The following MMP16 variants were observed in gnomAD, a reference collection of about 807,000 sequenced individuals.
The protein encoded by MMP16 is matrix metallopeptidase 16, also known as matrix metalloproteinase-16.
Under a neutral mutation model 67.8 loss-of-function variants are expected in MMP16, and 12 were observed. That is an observed-to-expected ratio of 0.18 (90% CI 0.11 to 0.29). The LOEUF (loss-of-function observed/expected upper bound fraction) is 0.29. MMP16 is among the 10% of genes least tolerant of loss of function. The pLI is 1.00. For synonymous variants in MMP16, 249 were observed against 255.9 expected, an observed-to-expected ratio of 0.97 and a Z score of 0.26; for missense variants, 475 against 765.7, an observed-to-expected ratio of 0.62 and a Z score of 4.48.
chr8:88,142,884 T>G (rs144860021), intron 4 of MMP16, among the ~76,000 whole-genome samples: 1 of 152,196 alleles, frequency 6.6e-6, no homozygotes, highest in African/African-American at 2.4e-5. Context: ...AATTCTCGAT[T>G]GTTCTATTGT....
intron 1 of MMP16, among the ~76,000 whole-genome samples, chr8:88,201,029 G>A (rs561970103): frequency 1.3e-5 from 2 of 150,544 alleles, no homozygotes; most frequent in South Asian, 4.2e-4. Context: ...CATTTGCTTA[G>A]ATGAAACACA....
intron 4 of MMP16, among the ~76,000 whole-genome samples, chr8:88,136,781 T>C (rs781238315): frequency 2.0e-5 from 3 of 151,566 alleles, no homozygotes; most frequent in Non-Finnish European, 4.4e-5. Flanking sequence ...AATATTGGAG[T>C]TGTTCTGGTT....
intron 1 of MMP16, among the ~76,000 whole-genome samples, chr8:88,285,002 C>G (rs1810804544): frequency 6.6e-6 from 1 of 152,146 alleles, no homozygotes; most frequent in African/African-American, 2.4e-5. Context: ...TTAATATTCT[C>G]TCATAACTGG....
rs1807993094 is a variant in MMP16, at chr8:88,032,093, TA to T, written c.*9367del. ...GGTAAATACAGAAGATGCAATAGTA[TA>T]AAAAGCCATTTAACCCTTCCCTAGG... On this transcript the variant is annotated 3_prime_UTR_variant, in exon 10 of 10. Coordinates refer to ENST00000286614, the MANE Select transcript of MMP16 (RefSeq NM_005941.5). The T allele has an allele frequency of 6.6e-6, 1 of 152,182 alleles. No individual in the cohort carries two copies. The allele number at this position is 152,182 out of a possible 1,614,324, so 9.4% of individuals were successfully genotyped here. A position where few individuals can be genotyped will look rare whatever the true frequency, so the allele number is the denominator to read the frequency against.
intron 4 of MMP16, among the ~76,000 whole-genome samples, chr8:88,125,612 C>T (rs1252591483): frequency 6.6e-6 from 1 of 151,784 alleles, no homozygotes; most frequent in East Asian, 1.9e-4. Context: ...ACTTTTTATT[C>T]CTTTGGGCTA....
At chr8:88,072,975 G>T (rs968899926) in intron 7 of MMP16, among the ~76,000 whole-genome samples, 4 of 152,102 alleles carry the variant, frequency 2.6e-5, no homozygotes, top group African/African-American at 7.2e-5. Flanking sequence ...AAGTGAGAAG[G>T]CCCCGAGGCC....
rs907776764 is a variant in MMP16, at chr8:88,034,658, A to G, written c.*6803T>C. ...AGGATAACGCTCATATTACTACCAA[A>G]ATCATTCATTCAAGCAAAGTATATT... On this transcript the variant is annotated 3_prime_UTR_variant, in exon 10 of 10. Coordinates refer to ENST00000286614, the MANE Select transcript of MMP16 (RefSeq NM_005941.5). 2.6e-5 allele frequency: 4 copies of G among 152,016 alleles called. No individual in the cohort carries two copies. Among genetic ancestry groups the G allele is most frequent in the Non-Finnish European group, 4.4e-5 (3 of 67,952 alleles). 9.4% of individuals were successfully genotyped at this position (152,016 alleles called of 1,614,324 possible).
intron 1 of MMP16, among the ~76,000 whole-genome samples, chr8:88,204,294 G>A (rs931356390): frequency 6.6e-6 from 1 of 152,180 alleles, no homozygotes; most frequent in South Asian, 2.1e-4. Flanking sequence ...TTACAGAATT[G>A]AGGGATAGCA....
At chr8:88,094,716 C>A (rs1415560318) in intron 6 of MMP16, among the ~76,000 whole-genome samples, 1 of 151,640 alleles carries the variant, frequency 6.6e-6, no homozygotes, top group Non-Finnish European at 1.5e-5. Context: ...TTTCTCCAGC[C>A]AAAAATTCAA....
intron 4 of MMP16, among the ~76,000 whole-genome samples, chr8:88,161,696 T>A (rs935127121): frequency 6.6e-6 from 1 of 152,170 alleles, no homozygotes; most frequent in African/African-American, 2.4e-5. Flanking sequence ...TGTAGTGCTA[T>A]AAATTTCCGT....
intron 6 of MMP16, among the ~76,000 whole-genome samples, chr8:88,115,498 G>A (rs907589439): frequency 1.3e-5 from 2 of 151,680 alleles, no homozygotes; most frequent in Non-Finnish European, 2.9e-5. Context: ...ATATTATATC[G>A]AATCCAGATC....
At chr8:88,171,439 G>A (rs1320018229) in intron 3 of MMP16, among the ~76,000 whole-genome samples, 1 of 152,130 alleles carries the variant, frequency 6.6e-6, no homozygotes, top group Non-Finnish European at 1.5e-5. Flanking sequence ...TATGAAGGGT[G>A]GAGATAAAAA....
At chr8:88,112,013 C>CA (rs1160603242) in intron 6 of MMP16, among the ~76,000 whole-genome samples, 2 of 151,742 alleles carry the variant, frequency 1.3e-5, no homozygotes, top group Non-Finnish European at 2.9e-5. Context: ...TTTCCTGACT[C>CA]AGAGTCATGA....
At chr8:88,323,266 TG>T (rs1299063261) in intron 1 of MMP16, among the ~76,000 whole-genome samples, 1 of 152,202 alleles carries the variant, frequency 6.6e-6, no homozygotes, top group Non-Finnish European at 1.5e-5. Context: ...ATCTCTGAAA[TG>T]TCTCATGATT....
At position 88,078,457 on chromosome 8, in the gene MMP16, A is replaced by G. The variant is rs572210225; in HGVS notation, c.1084-3714T>C. On this transcript the variant is annotated intron_variant, in intron 6 of 9. Coordinates refer to ENST00000286614, the MANE Select transcript of MMP16 (RefSeq NM_005941.5). ...TTTAAAATTCTGGCTCGTGATAGGC[A>G]TATTTGTTTGCTGAGAACTATATGG... 5.3e-5 allele frequency among the ~76,000 whole-genome samples: 8 copies of G among 152,274 alleles called. No individual in the cohort carries two copies. The East Asian group carries it at 1.4e-3, about 26-fold the overall frequency.
At chr8:88,257,971 T>G (rs900062465) in intron 1 of MMP16, among the ~76,000 whole-genome samples, 2 of 152,002 alleles carry the variant, frequency 1.3e-5, no homozygotes, top group Non-Finnish European at 2.9e-5. Context: ...TGGTAAGGAA[T>G]AGTCATAACA....
At position 88,159,913 on chromosome 8, in the gene MMP16, T is replaced by C. The variant is rs1808584602; in HGVS notation, c.709+7756A>G. Among the ~76,000 whole-genome samples the C allele has an allele frequency of 2.0e-5, 3 of 152,156 alleles. No individual in the cohort carries two copies. In the South Asian group the frequency reaches 6.2e-4, roughly 32 times the overall value. On this transcript the variant is annotated intron_variant, in intron 4 of 9. Transcript: ENST00000286614. ...ATCATGCGGTTTTCGTCGTTGGTTC[T>C]GTTTATATGCTGGATTACGTTTATT... is the stretch of plus-strand genomic sequence containing the variant.
chr8:88,103,476 A>G (rs1809180058), intron 6 of MMP16, among the ~76,000 whole-genome samples: 1 of 151,880 alleles, frequency 6.6e-6, no homozygotes, highest in African/African-American at 2.4e-5. Context: ...CCTGAGAGTA[A>G]GGAACGTTGT....
intron 6 of MMP16, among the ~76,000 whole-genome samples, chr8:88,094,557 T>C (rs1163763443): frequency 6.6e-6 from 1 of 151,528 alleles, no homozygotes; most frequent in Admixed American, 6.6e-5. Flanking sequence ...TTAGTTTTTG[T>C]TGCAAAGATC....
Sources: allele counts gnomAD v4.1 joint callset (sites outside exome capture counted in the v4.1 genomes callset), GRCh38; gene constraint gnomAD v4.1.1; transcripts MANE v1.5; gene names NCBI Gene and HGNC (gene_info 2026-07-23, HGNC 2026-07-21).